The following MAPKAP1 variants were observed in gnomAD, a reference collection of about 807,000 sequenced individuals.
The protein encoded by MAPKAP1 is target of rapamycin complex 2 subunit MAPKAP1.
MAPKAP1 carries 20 observed loss-of-function variants against 65.7 expected under a neutral mutation model. The observed-to-expected ratio is 0.30, with a 90% confidence interval of 0.21 to 0.44. MAPKAP1 has a LOEUF of 0.44. Among genes scored for constraint, MAPKAP1 ranks in the 20% least tolerant of loss-of-function variants. The probability of loss-of-function intolerance (pLI) is 1.00; values close to 1 mark genes in which losing one functional copy is unlikely to be tolerated. For synonymous variants in MAPKAP1, 222 were observed against 244.3 expected, an observed-to-expected ratio of 0.91 and a Z score of 0.85; for missense variants, 423 against 648.0, an observed-to-expected ratio of 0.65 and a Z score of 3.77.
chr9:125,449,855 C>T (rs1852876473), intron 10 of MAPKAP1, among the ~76,000 whole-genome samples: 1 of 152,148 alleles, frequency 6.6e-6, no homozygotes, highest in Non-Finnish European at 1.5e-5. Context: ...CACAACCCTG[C>T]TAAAAGAGGT....
chr9:125,572,739 C>G (rs555980158), intron 5 of MAPKAP1, among the ~76,000 whole-genome samples: 1 of 152,280 alleles, frequency 6.6e-6, no homozygotes, highest in African/African-American at 2.4e-5. Flanking sequence ...AACAGTTGCC[C>G]AGTTCATGTA....
chr9:125,554,363 C>T (rs1183737809), intron 6 of MAPKAP1, among the ~76,000 whole-genome samples: 2 of 152,106 alleles, frequency 1.3e-5, no homozygotes, highest in Non-Finnish European at 2.9e-5. Context: ...TCTGGTTTAC[C>T]TAGGATGGAG....
At chr9:125,451,808 G>GTTTTTTT (rs71374268) in intron 10 of MAPKAP1, among the ~76,000 whole-genome samples, 1 of 117,864 alleles carries the variant, frequency 8.5e-6, no homozygotes, top group African/African-American at 3.2e-5. Context: ...ACTCACAGGA[G>GTTTTTTT]TTTTTTTTTT....
intron 7 of MAPKAP1, among the ~76,000 whole-genome samples, chr9:125,533,263 A>G (rs1031784814): frequency 2.0e-5 from 3 of 151,578 alleles, no homozygotes; most frequent in Non-Finnish European, 4.4e-5. Flanking sequence ...GAAAGATAAA[A>G]TGGCTAATAA....
At chr9:125,673,492 C>T (rs1304148552) in intron 1 of MAPKAP1, among the ~76,000 whole-genome samples, 1 of 152,332 alleles carries the variant, frequency 6.6e-6, no homozygotes, top group East Asian at 1.9e-4. Context: ...TCCCAAAGTG[C>T]TGTGATTACA....
intron 8 of MAPKAP1, among the ~76,000 whole-genome samples, chr9:125,485,746 A>T (rs987465147): frequency 6.6e-6 from 1 of 152,142 alleles, no homozygotes; most frequent in Non-Finnish European, 1.5e-5. Context: ...CTGGAAGTGA[A>T]TTCCATAAAA....
intron 10 of MAPKAP1, among the ~76,000 whole-genome samples, chr9:125,463,852 G>C (rs1288685200): frequency 6.6e-6 from 1 of 152,116 alleles, no homozygotes; most frequent in Admixed American, 6.5e-5. Context: ...CTTTATTAAG[G>C]TTTAAATCTG....
intron 4 of MAPKAP1, among the ~76,000 whole-genome samples, chr9:125,652,952 C>G (rs1004914286): frequency 6.6e-6 from 1 of 152,226 alleles, no homozygotes; most frequent in Non-Finnish European, 1.5e-5. Flanking sequence ...TCAATCCTGT[C>G]AACCACATAA....
intron 7 of MAPKAP1, among the ~76,000 whole-genome samples, chr9:125,533,104 T>C (rs776502345): frequency 5.9e-5 from 9 of 152,164 alleles, no homozygotes; most frequent in African/African-American, 1.2e-4. Flanking sequence ...TGTGTACGCA[T>C]ACACGCCTGC....
intron 7 of MAPKAP1, among the ~76,000 whole-genome samples, chr9:125,528,847 C>CAAAAA (rs61378848): frequency 1.1e-4 from 5 of 44,122 alleles, no homozygotes; most frequent in African/African-American, 4.9e-4. Context: ...GACTCCGTCT[C>CAAAAA]AAAAAAAAAA....
At chr9:125,551,634 T>C (rs529759844) in intron 6 of MAPKAP1, among the ~76,000 whole-genome samples, 2 of 152,156 alleles carry the variant, frequency 1.3e-5, no homozygotes, top group Non-Finnish European at 2.9e-5. Flanking sequence ...ATTCTGACCA[T>C]TTTATTGGCC....
intron 3 of MAPKAP1, 94 bp downstream of exon 3, chr9:125,669,724 G>C (rs1564610356): frequency 1.6e-6 from 1 of 607,796 alleles, no homozygotes; most frequent in Non-Finnish European, 2.7e-6. Context: ...TCTAAGTCCA[G>C]AGGATTTAAA....
chr9:125,667,005 G>T (rs1330651169), intron 3 of MAPKAP1, among the ~76,000 whole-genome samples: 2 of 152,178 alleles, frequency 1.3e-5, no homozygotes, highest in Non-Finnish European at 2.9e-5. Context: ...TTCTCCAGAA[G>T]TAAGACCACA....
intron 4 of MAPKAP1, among the ~76,000 whole-genome samples, chr9:125,613,864 C>T (rs968520609): frequency 6.6e-6 from 1 of 151,732 alleles, no homozygotes; most frequent in Non-Finnish European, 1.5e-5. Flanking sequence ...GTGGCGCGAT[C>T]TCAGCTCACT....
chr9:125,692,282 C>G (rs537562882), intron 1 of MAPKAP1, among the ~76,000 whole-genome samples: 3 of 152,086 alleles, frequency 2.0e-5, no homozygotes, highest in Non-Finnish European at 4.4e-5. Flanking sequence ...AACTGATGAA[C>G]AGATAAACAA....
chr9:125,457,917 A>G (rs1853251186), intron 10 of MAPKAP1, among the ~76,000 whole-genome samples: 1 of 152,130 alleles, frequency 6.6e-6, no homozygotes, highest in South Asian at 2.1e-4. Flanking sequence ...TCTCCCTTCC[A>G]TACTCTATTC....
intron 1 of MAPKAP1, among the ~76,000 whole-genome samples, chr9:125,700,959 T>C (rs765931082): frequency 2.6e-5 from 4 of 152,218 alleles, no homozygotes; most frequent in Admixed American, 2.0e-4. Flanking sequence ...GGGGAGCACC[T>C]GGCCCATCAA....
intron 6 of MAPKAP1, among the ~76,000 whole-genome samples, chr9:125,554,794 C>CAAAAAAAAAAAAAA (rs56911891): frequency 1.5e-5 from 1 of 65,628 alleles, no homozygotes; most frequent in Non-Finnish European, 2.7e-5. Flanking sequence ...AGACACTTAT[C>CAAAAAAAAAAAAAA]AAAAAAAAAA....
chr9:125,585,256 CA>C (rs112531879), intron 5 of MAPKAP1, among the ~76,000 whole-genome samples: 3,135 of 152,310 alleles, frequency 0.021, 37 homozygotes, highest in South Asian at 0.041. Flanking sequence ...GATTGGTGCT[CA>C]ACAAACATCA....
Sources: gnomAD v4.1 joint callset for allele counts (sites outside exome capture counted in the v4.1 genomes callset) on GRCh38, gnomAD v4.1.1 for gene constraint, MANE v1.5 for transcripts, NCBI Gene and HGNC (gene_info 2026-07-23, HGNC 2026-07-21) for gene names.